Variants in RCAN2 observed in about 807,000 individuals in gnomAD.
RCAN2 encodes the protein calcipressin-2.
A neutral mutation model predicts 23.6 loss-of-function variants in RCAN2; 9 were observed. The observed-to-expected ratio is 0.38, with a 90% CI of 0.23 to 0.67. The LOEUF is 0.67. RCAN2 is among the 30% of genes least tolerant of loss of function. The probability of loss-of-function intolerance (pLI) is 0.51; values close to 1 mark genes in which losing one functional copy is unlikely to be tolerated. For missense variants in RCAN2, 273 were observed against 302.3 expected, an observed-to-expected ratio of 0.90 and a Z score of 0.72; for synonymous variants, 109 against 115.7, an observed-to-expected ratio of 0.94 and a Z score of 0.37.
chr6:46,456,616 C>T, intron 2 of RCAN2, 136 bp downstream of exon 2: 1 of 651,550 alleles, frequency 1.5e-6, no homozygotes, highest in Non-Finnish European at 2.7e-6. Context: ...TTTTCTTATC[C>T]TGGTACACAT....
intron 2 of RCAN2, chr6:46,325,420 G>T (rs1376994901): frequency 4.3e-6 from 7 of 1,614,028 alleles, no homozygotes; most frequent in Non-Finnish European, 5.9e-6. Flanking sequence ...TAAAGACCTC[G>T]ACATCCACCA....
At chr6:46,231,651 C>T (rs1765892691) in intron 4 of RCAN2, among the ~76,000 whole-genome samples, 3 of 152,124 alleles carry the variant, frequency 2.0e-5, no homozygotes, top group Non-Finnish European at 4.4e-5. Context: ...CTCAGGTGAT[C>T]CACCCGCCTT....
chr6:46,250,077 G>T (rs924969524), intron 2 of RCAN2, among the ~76,000 whole-genome samples: 1 of 152,124 alleles, frequency 6.6e-6, no homozygotes, highest in Non-Finnish European at 1.5e-5. Flanking sequence ...CTTTGTATGA[G>T]GCATGGTCTC....
At chr6:46,370,181 T>C (rs1582148175) in intron 2 of RCAN2, among the ~76,000 whole-genome samples, 1 of 152,268 alleles carries the variant, frequency 6.6e-6, no homozygotes, top group East Asian at 1.9e-4. Context: ...TCTTCCACAT[T>C]CAAATCACTC....
At chr6:46,367,038 T>TCC (rs2150387021) in intron 2 of RCAN2, among the ~76,000 whole-genome samples, 1 of 122,436 alleles carries the variant, frequency 8.2e-6, no homozygotes, top group Admixed American at 8.4e-5. Flanking sequence ...TATATATATA[T>TCC]ATATATATAT....
chr6:46,285,559 C>A (rs537420903), intron 2 of RCAN2, among the ~76,000 whole-genome samples: 1 of 152,284 alleles, frequency 6.6e-6, no homozygotes, highest in East Asian at 1.9e-4. Flanking sequence ...TAGTAGGTGA[C>A]CAACAAGCAT....
At chr6:46,312,220 T>G (rs193140019) in intron 2 of RCAN2, among the ~76,000 whole-genome samples, 9 of 152,332 alleles carry the variant, frequency 5.9e-5, no homozygotes, top group African/African-American at 2.2e-4. Context: ...CAGACTTTTC[T>G]TTCTCCTAGC....
At chr6:46,330,909 G>A in intron 2 of RCAN2, among the ~76,000 whole-genome samples, 1 of 152,130 alleles carries the variant, frequency 6.6e-6, no homozygotes, top group East Asian at 1.9e-4. Flanking sequence ...ATGCTTAAGG[G>A]ATTCAGGTCT....
At chr6:46,430,267 C>G (rs1554790) in intron 2 of RCAN2, among the ~76,000 whole-genome samples, 71,717 of 151,864 alleles carry the variant, frequency 0.47, 17,138 homozygotes, top group East Asian at 0.61. Context: ...ATATTTAGGA[C>G]GTAACATCAT....
intron 2 of RCAN2, among the ~76,000 whole-genome samples, chr6:46,397,538 G>C (rs896467350): frequency 1.2e-4 from 18 of 152,122 alleles, no homozygotes; most frequent in African/African-American, 3.4e-4. Context: ...GGGGAAGCTG[G>C]TGAAGGGTAC....
At chr6:46,363,639 A>G (rs1211980785) in intron 2 of RCAN2, among the ~76,000 whole-genome samples, 2 of 152,176 alleles carry the variant, frequency 1.3e-5, no homozygotes, top group Non-Finnish European at 2.9e-5. Context: ...AAACAAAAGA[A>G]ATGAAATGAA....
intron 2 of RCAN2, among the ~76,000 whole-genome samples, chr6:46,250,817 T>G (rs953123651): frequency 2.0e-5 from 3 of 152,180 alleles, no homozygotes; most frequent in African/African-American, 7.2e-5. Context: ...CTTCTGAGGC[T>G]CCACAGGAGG....
In RCAN2 at chr6:46,221,841, A is replaced by T. The variant is rs1339833912; in HGVS notation, c.*1300T>A. 1.0e-5 allele frequency: 4 copies of T among 398,082 alleles called. No homozygotes were observed. Among genetic ancestry groups the T allele is most frequent in the Non-Finnish European group, 1.8e-5 (4 of 225,814 alleles). 24.7% of individuals were successfully genotyped at this position (398,082 alleles called of 1,614,324 possible). ...GGCCTGGCACACATAGCAGAAGGTAATGGTTCTATAGGTGTATCTTCTGTA... is the reference window on the plus strand; with the variant it reads ...GGCCTGGCACACATAGCAGAAGGTATTGGTTCTATAGGTGTATCTTCTGTA... On this transcript the variant is annotated 3_prime_UTR_variant, in exon 5 of 5. Transcript: ENST00000371374.
chr6:46,296,122 C>A (rs1376096721), intron 2 of RCAN2, among the ~76,000 whole-genome samples: 1 of 146,674 alleles, frequency 6.8e-6, no homozygotes, highest in Non-Finnish European at 1.5e-5. Context: ...TGTGTGCTGT[C>A]TTTGGCCTGC....
At chr6:46,468,808 A>C in intron 1 of RCAN2, 7 of 985,266 alleles carry the variant, frequency 7.1e-6, no homozygotes, top group Non-Finnish European at 8.4e-6. Context: ...ACCTTTAATC[A>C]GCACTTTCTC....
At chr6:46,319,578 G>A (rs1763543972) in intron 2 of RCAN2, among the ~76,000 whole-genome samples, 1 of 152,108 alleles carries the variant, frequency 6.6e-6, no homozygotes, top group Non-Finnish European at 1.5e-5. Flanking sequence ...AATGTGATAG[G>A]TGGCTGAGAA....
chr6:46,300,354 T>C (rs1762866976), intron 2 of RCAN2, among the ~76,000 whole-genome samples: 1 of 151,826 alleles, frequency 6.6e-6, no homozygotes, highest in African/African-American at 2.4e-5. Context: ...AGGTTTAAAG[T>C]CAAAGAATGG....
intron 1 of RCAN2, among the ~76,000 whole-genome samples, chr6:46,464,896 T>C (rs909774323): frequency 2.9e-5 from 4 of 137,950 alleles, no homozygotes; most frequent in Non-Finnish European, 6.3e-5. Flanking sequence ...CAGCAGCTTA[T>C]GAATTTTTAT....
chr6:46,384,576 T>G (rs886330336), intron 2 of RCAN2, among the ~76,000 whole-genome samples: 1 of 152,224 alleles, frequency 6.6e-6, no homozygotes, highest in Admixed American at 6.5e-5. Context: ...AGAAGGGAAC[T>G]GGGGTTAAAG....
Sources: allele counts gnomAD v4.1 joint callset (sites outside exome capture counted in the v4.1 genomes callset), GRCh38; gene constraint gnomAD v4.1.1; transcripts MANE v1.5; gene names NCBI Gene and HGNC (gene_info 2026-07-23, HGNC 2026-07-21).